TRHDE: variants seen among roughly 807,000 people sequenced by gnomAD.
The protein encoded by TRHDE is thyrotropin-releasing hormone-degrading ectoenzyme.
TRHDE carries 72 observed loss-of-function variants against 125.7 expected under a neutral mutation model. The observed-to-expected ratio is 0.57, with a 90% confidence interval of 0.47 to 0.70. The LOEUF (loss-of-function observed/expected upper bound fraction) is 0.70, where lower values mean the gene tolerates loss of function less well. Among genes scored for constraint, TRHDE ranks in the 30% least tolerant of loss-of-function variants. The pLI, the probability that TRHDE is intolerant of heterozygous loss-of-function variation, is 0.00. For missense variants in TRHDE, 1,110 were observed against 1,327.1 expected, an observed-to-expected ratio of 0.84 and a Z score of 2.54; for synonymous variants, 509 against 509.1, an observed-to-expected ratio of 1.00 and a Z score of 0.00.
At chr12:72,483,821 A>C (rs762755284) in intron 5 of TRHDE, among the ~76,000 whole-genome samples, 1 of 152,042 alleles carries the variant, frequency 6.6e-6, no homozygotes, top group Non-Finnish European at 1.5e-5. Context: ...AGGTTTTATC[A>C]GACTAGGTTA....
At chr12:72,512,856 A>G (rs1159928726) in intron 6 of TRHDE, among the ~76,000 whole-genome samples, 1 of 151,710 alleles carries the variant, frequency 6.6e-6, no homozygotes, top group Non-Finnish European at 1.5e-5. Flanking sequence ...CAGAAAGAAC[A>G]CTTGGAGAAA....
chr12:72,255,291 T>A (rs1489755441), intron 2 of TRHDE: 1 of 151,808 alleles, frequency 6.6e-6, no homozygotes, highest in East Asian at 1.9e-4. Flanking sequence ...GGAACAGGAG[T>A]CTGAACACTT....
chr12:72,095,632 T>C (rs1874897235), intron 1 of TRHDE, among the ~76,000 whole-genome samples: 1 of 152,194 alleles, frequency 6.6e-6, no homozygotes, highest in South Asian at 2.1e-4. Flanking sequence ...TTCTGTTTCT[T>C]TCAGACTTGG....
Position 72,503,326 on chromosome 12 carries a change from C to T in TRHDE, c.1722+3691C>T, listed in dbSNP as rs558860581. Among the ~76,000 whole-genome samples, 11 of 152,208 alleles carry T rather than the reference C, an allele frequency of 7.2e-5. No individual in the cohort carries two copies. In the South Asian group the frequency reaches 1.2e-3, roughly 17 times the overall value. ...GATATGTTTCCCAGAAAATCAGGTT[C>T]CAGAGCCAGTATTCTTAATTATTTT... On this transcript the variant is annotated intron_variant, in intron 6 of 18. Transcript: ENST00000261180.
chr12:72,520,638 G>T (rs200611256), intron 6 of TRHDE, among the ~76,000 whole-genome samples: 1 of 152,160 alleles, frequency 6.6e-6, no homozygotes, highest in African/African-American at 2.4e-5. Flanking sequence ...GACTGGAGCT[G>T]TTCCTATTCG....
At chr12:72,117,866 T>G (rs1425263136) in intron 2 of TRHDE, among the ~76,000 whole-genome samples, 3 of 151,950 alleles carry the variant, frequency 2.0e-5, no homozygotes, top group Non-Finnish European at 4.4e-5. Flanking sequence ...TTTTTTTTTT[T>G]CAGATTGTTC....
chr12:72,157,718 T>C (rs1260266752), intron 2 of TRHDE, among the ~76,000 whole-genome samples: 1 of 152,170 alleles, frequency 6.6e-6, no homozygotes, highest in Non-Finnish European at 1.5e-5. Flanking sequence ...AAGCAGCAGA[T>C]GCCTATTAGA....
At chr12:72,213,740 TAAAAC>T (rs1402228488) in intron 2 of TRHDE, among the ~76,000 whole-genome samples, 1 of 152,140 alleles carries the variant, frequency 6.6e-6, no homozygotes, top group African/African-American at 2.4e-5. Flanking sequence ...TGCCATAACA[TAAAAC>T]AAAATTTGTT....
chr12:72,563,006 G>A lies in TRHDE; in HGVS notation c.2008G>A (p.Ala670Thr). The change falls in exon 9 of 19, where the codon GCT becomes ACT. Residue 670 changes from alanine (A) to threonine (T), a missense_variant. Around this residue, in one of 5 missense-constraint regions of TRHDE, gnomAD observed 527 missense variants for 651.8 expected, o/e 0.81. Coordinates refer to ENST00000261180, the MANE Select transcript of TRHDE (RefSeq NM_013381.3). Reference protein sequence around the residue: ...TQQHFIYDISAKTKALKLQNN... With the variant: ...TQQHFIYDISTKTKALKLQNN... Reference sequence around the variant, plus strand: ...ACAGCATTTTATCTATGATATCAGTGCTAAAACTAAAGCACTTAAACTTCA... The same window carrying A: ...ACAGCATTTTATCTATGATATCAGTACTAAAACTAAAGCACTTAAACTTCA... The A allele has an allele frequency of 1.2e-6, 2 of 1,604,654 alleles. No individual in the cohort carries two copies. Among genetic ancestry groups the A allele is most frequent in the South Asian group, 2.3e-5 (2 of 88,866 alleles).
At chr12:72,380,747 C>CTTCCTTCT (rs1872117229) in intron 3 of TRHDE, among the ~76,000 whole-genome samples, 1 of 95,822 alleles carries the variant, frequency 1.0e-5, no homozygotes, top group African/African-American at 6.3e-5. Flanking sequence ...TCCTTCCTTC[C>CTTCCTTCT]TTCCTTCCTT....
chr12:72,580,755 G>T (rs1157398935), intron 12 of TRHDE, among the ~76,000 whole-genome samples: 1 of 151,952 alleles, frequency 6.6e-6, no homozygotes, highest in Non-Finnish European at 1.5e-5. Context: ...TTTGTTTTTT[G>T]TTTGTTTGTT....
At chr12:72,542,205 A>G (rs774736393) in intron 6 of TRHDE, 86 bp from the exon 7 acceptor site, 32 of 897,132 alleles carry the variant, frequency 3.6e-5, no homozygotes, top group Non-Finnish European at 4.9e-5. Flanking sequence ...AATAGCATGA[A>G]TGAAGTAGAC....
intron 2 of TRHDE, among the ~76,000 whole-genome samples, chr12:72,167,369 C>T (rs1291940175): frequency 6.6e-6 from 1 of 151,424 alleles, no homozygotes; most frequent in East Asian, 1.9e-4. Flanking sequence ...TATATGAAGC[C>T]CTTTACATCA....
At chr12:72,575,813 T>C (rs944633325) in intron 12 of TRHDE, among the ~76,000 whole-genome samples, 1 of 152,142 alleles carries the variant, frequency 6.6e-6, no homozygotes, top group Non-Finnish European at 1.5e-5. Context: ...CCCAAATTCA[T>C]TAATGAACTC....
At chr12:72,636,751 A>G (rs892204037) in intron 15 of TRHDE, among the ~76,000 whole-genome samples, 1 of 152,206 alleles carries the variant, frequency 6.6e-6, no homozygotes, top group Non-Finnish European at 1.5e-5. Flanking sequence ...TTCTGCATCT[A>G]TTGAGACAAT....
chr12:72,378,167 G>A, intron 3 of TRHDE, 46 bp downstream of exon 3: 3 of 1,507,992 alleles, frequency 2.0e-6, no homozygotes, highest in South Asian at 1.4e-5. Context: ...CCTTGAAAGT[G>A]GAATTTCTTC....
intron 3 of TRHDE, among the ~76,000 whole-genome samples, chr12:72,423,517 A>C (rs1206468477): frequency 6.6e-6 from 1 of 152,190 alleles, no homozygotes; most frequent in East Asian, 1.9e-4. Flanking sequence ...TTTAACAGAC[A>C]ACAAAGTGAT....
chr12:72,528,021 T>C (rs1457916305), intron 6 of TRHDE, among the ~76,000 whole-genome samples: 13 of 152,122 alleles, frequency 8.5e-5, no homozygotes, highest in Non-Finnish European at 7.4e-5. Flanking sequence ...AACTAATATA[T>C]ATCGTTTTTT....
At chr12:72,659,742 T>G (rs1434336161) in intron 18 of TRHDE, among the ~76,000 whole-genome samples, 1 of 152,212 alleles carries the variant, frequency 6.6e-6, no homozygotes, top group Non-Finnish European at 1.5e-5. Context: ...TATTAAATGT[T>G]ATTTTATAAA....
Sources: allele counts gnomAD v4.1 joint callset (sites outside exome capture counted in the v4.1 genomes callset), GRCh38; gene constraint gnomAD v4.1.1; regional missense constraint gnomAD v4.1.1; transcripts MANE v1.5; gene names NCBI Gene and HGNC (gene_info 2026-07-23, HGNC 2026-07-21).